Variants in HPSE2 observed in about 807,000 individuals in gnomAD.
HPSE2 encodes inactive heparanase-2.
In HPSE2, 38 loss-of-function variants were observed where a neutral mutation model predicts 60.5. The ratio of observed to expected loss-of-function variants is 0.63; its 90% CI spans 0.48 to 0.82. The LOEUF (loss-of-function observed/expected upper bound fraction) is 0.82, where lower values mean the gene tolerates loss of function less well. Ranked by LOEUF, HPSE2 falls within the 40% of genes least tolerant of loss-of-function variation. HPSE2 has a pLI of 0.00. For missense variants in HPSE2, 713 were observed against 740.4 expected (o/e 0.96, Z 0.43); for synonymous variants, 295 against 293.2 (o/e 1.01, Z -0.06).
intron 3 of HPSE2, among the ~76,000 whole-genome samples, chr10:99,069,981 A>G (rs991462655): frequency 1.3e-5 from 2 of 152,178 alleles, no homozygotes; most frequent in African/African-American, 4.8e-5. Context: ...AATTTGAGGA[A>G]AGAGTAAAGC....
At chr10:98,864,833 A>G (rs1952549126) in intron 3 of HPSE2, among the ~76,000 whole-genome samples, 1 of 152,146 alleles carries the variant, frequency 6.6e-6, no homozygotes, top group Non-Finnish European at 1.5e-5. Flanking sequence ...TTGATCAAAC[A>G]TATATTATTT....
chr10:99,176,491 G>A (rs1295826057), intron 2 of HPSE2, among the ~76,000 whole-genome samples: 1 of 151,970 alleles, frequency 6.6e-6, no homozygotes, highest in Non-Finnish European at 1.5e-5. Context: ...ACTATCAACA[G>A]CCAAATCAAT....
At chr10:98,795,052 G>GAAGGAAGGAAGT in intron 3 of HPSE2, among the ~76,000 whole-genome samples, 1 of 148,460 alleles carries the variant, frequency 6.7e-6, no homozygotes, top group Non-Finnish European at 1.5e-5. Flanking sequence ...AGGAAGGAAG[G>GAAGGAAGGAAGT]AAGGAAGGAA....
chr10:99,160,523 T>C (rs1027039706), intron 2 of HPSE2, among the ~76,000 whole-genome samples: 2 of 152,136 alleles, frequency 1.3e-5, no homozygotes, highest in African/African-American at 4.8e-5. Context: ...GGTAGTTTCT[T>C]AACAAAATAA....
At chr10:99,113,016 T>C (rs1589676029) in intron 3 of HPSE2, among the ~76,000 whole-genome samples, 1 of 152,296 alleles carries the variant, frequency 6.6e-6, no homozygotes, top group East Asian at 1.9e-4. Flanking sequence ...CTTAAGGACT[T>C]ACTTCTTTTG....
At chr10:98,514,900 T>G (rs555102265) in intron 9 of HPSE2, among the ~76,000 whole-genome samples, 1 of 151,812 alleles carries the variant, frequency 6.6e-6, no homozygotes, top group East Asian at 1.9e-4. Flanking sequence ...TTTTTTGTAT[T>G]TTTAGCAGAG....
At chr10:98,788,638 C>T (rs996189682) in intron 3 of HPSE2, among the ~76,000 whole-genome samples, 3 of 152,190 alleles carry the variant, frequency 2.0e-5, no homozygotes, top group African/African-American at 2.4e-5. Context: ...TGTGGGATAT[C>T]GTCTCGTGGT....
At chr10:99,076,032 T>C (rs1428870706) in intron 3 of HPSE2, among the ~76,000 whole-genome samples, 1 of 152,192 alleles carries the variant, frequency 6.6e-6, no homozygotes, top group African/African-American at 2.4e-5. Context: ...TAACCACTGA[T>C]AGGAAAGGAC....
chr10:98,726,617 C>T (rs1176921878), intron 4 of HPSE2, among the ~76,000 whole-genome samples: 2 of 137,118 alleles, frequency 1.5e-5, no homozygotes, highest in East Asian at 4.3e-4. Context: ...CACATGTATT[C>T]TAAAACTTAA....
intron 2 of HPSE2, among the ~76,000 whole-genome samples, chr10:99,164,791 A>G (rs10400194): frequency 4.0e-5 from 6 of 150,590 alleles, no homozygotes; most frequent in African/African-American, 1.5e-4. Context: ...TTGGGAGGCC[A>G]AGGTGGGCAG....
At chr10:98,630,433 A>G (rs1454404975) in intron 7 of HPSE2, among the ~76,000 whole-genome samples, 4 of 151,860 alleles carry the variant, frequency 2.6e-5, no homozygotes, top group Admixed American at 6.6e-5. Context: ...TCCTGACCTC[A>G]TGATCCGCCC....
At chr10:98,997,030 A>T (rs939799406) in intron 3 of HPSE2, among the ~76,000 whole-genome samples, 2 of 151,970 alleles carry the variant, frequency 1.3e-5, no homozygotes, top group African/African-American at 4.8e-5. Context: ...TCAATAAAAA[A>T]ATTTTTAATA....
chr10:98,855,745 T>C (rs1952298718), intron 3 of HPSE2, among the ~76,000 whole-genome samples: 1 of 151,988 alleles, frequency 6.6e-6, no homozygotes, highest in Non-Finnish European at 1.5e-5. Flanking sequence ...CTGAACAACA[T>C]AGGCTGAACC....
intron 2 of HPSE2, among the ~76,000 whole-genome samples, chr10:99,184,146 A>G (rs1847882192): frequency 6.6e-6 from 1 of 152,234 alleles, no homozygotes; most frequent in Admixed American, 6.5e-5. Context: ...AAGAAGCAGG[A>G]AAATATGATC....
intron 3 of HPSE2, among the ~76,000 whole-genome samples, chr10:98,893,346 C>T (rs983396304): frequency 2.6e-5 from 4 of 152,122 alleles, no homozygotes; most frequent in Non-Finnish European, 4.4e-5. Context: ...GGATTACAGG[C>T]GTTGAGCCAC....
At chr10:98,846,944 C>T (rs1300122838) in intron 3 of HPSE2, among the ~76,000 whole-genome samples, 1 of 152,092 alleles carries the variant, frequency 6.6e-6, no homozygotes, top group East Asian at 1.9e-4. Context: ...TTATTCTGTG[C>T]AAATCAGAGG....
At chr10:99,250,287 G>A in the HPSE2 span, among the ~76,000 whole-genome samples, 2 of 152,046 alleles carry the variant, frequency 1.3e-5, no homozygotes, top group Admixed American at 6.6e-5. Context: ...TACAGTCTAT[G>A]GAACTGTGAG....
intron 9 of HPSE2, among the ~76,000 whole-genome samples, chr10:98,543,700 T>C (rs546483605): frequency 6.6e-6 from 1 of 151,806 alleles, no homozygotes; most frequent in African/African-American, 2.4e-5. Flanking sequence ...TAAAACAGAC[T>C]TAAAACCAAC....
At chr10:99,028,099 G>A (rs1437586173) in intron 3 of HPSE2, among the ~76,000 whole-genome samples, 1 of 152,128 alleles carries the variant, frequency 6.6e-6, no homozygotes, top group Admixed American at 6.5e-5. Context: ...ACATGACAAT[G>A]ATAACCACTG....
Sources: allele counts gnomAD v4.1 joint callset (sites outside exome capture counted in the v4.1 genomes callset), GRCh38; gene constraint gnomAD v4.1.1; transcripts MANE v1.5; gene names NCBI Gene and HGNC (gene_info 2026-07-23, HGNC 2026-07-21).